The following GRID1 variants were observed in gnomAD, a reference collection of about 807,000 sequenced individuals.
The protein encoded by GRID1 is glutamate ionotropic receptor delta type subunit 1, also known as glutamate receptor ionotropic, delta-1.
GRID1 carries 28 observed loss-of-function variants against 98.0 expected under a neutral mutation model. The ratio of observed to expected loss-of-function variants is 0.29; its 90% CI spans 0.21 to 0.39. The LOEUF (loss-of-function observed/expected upper bound fraction) is 0.39. GRID1 is among the 10% of genes least tolerant of loss of function. The pLI, the probability that GRID1 is intolerant of heterozygous loss-of-function variation, is 1.00. For synonymous variants in GRID1, 553 were observed against 538.5 expected (o/e 1.03, Z -0.37); for missense variants, 1,111 against 1,340.5 (o/e 0.83, Z 2.67).
intron 3 of GRID1, among the ~76,000 whole-genome samples, chr10:86,180,524 G>A (rs1845640342): frequency 6.6e-6 from 1 of 152,136 alleles, no homozygotes; most frequent in African/African-American, 2.4e-5. Context: ...TGCTTTGAAG[G>A]ACCAAGGTTG....
At chr10:86,337,021 T>G (rs1589453545) in intron 2 of GRID1, among the ~76,000 whole-genome samples, 2 of 79,816 alleles carry the variant, frequency 2.5e-5, no homozygotes, top group Non-Finnish European at 4.2e-5. Flanking sequence ...TTTTTTGCAG[T>G]TTTTTTTTTT....
chr10:85,619,734 A>T (rs1842835723), intron 14 of GRID1, 133 bp downstream of exon 14: 1 of 683,786 alleles, frequency 1.5e-6, no homozygotes, highest in South Asian at 1.8e-5. Context: ...AAGCAGTGGG[A>T]CATAGTATGT....
chr10:85,612,176 C>A (rs369244081), intron 15 of GRID1, among the ~76,000 whole-genome samples: 1 of 152,200 alleles, frequency 6.6e-6, no homozygotes, highest in Non-Finnish European at 1.5e-5. Flanking sequence ...CCTGTCCTCA[C>A]CCCTGACCTG....
intron 5 of GRID1, among the ~76,000 whole-genome samples, chr10:85,904,933 A>C (rs1383839983): frequency 3.3e-5 from 5 of 152,156 alleles, no homozygotes; most frequent in African/African-American, 1.2e-4. Context: ...AAATATTAGA[A>C]AATATAAAAG....
At chr10:85,694,316 G>T (rs1292901310) in intron 12 of GRID1, among the ~76,000 whole-genome samples, 1 of 151,958 alleles carries the variant, frequency 6.6e-6, no homozygotes, top group Non-Finnish European at 1.5e-5. Context: ...CTTATACACT[G>T]TTGGAAGGAA....
chr10:85,793,049 G>A (rs189804523), intron 8 of GRID1, among the ~76,000 whole-genome samples: 4 of 152,254 alleles, frequency 2.6e-5, no homozygotes, highest in Non-Finnish European at 4.4e-5. Context: ...TCTGGCAAGT[G>A]CCACATATTA....
intron 4 of GRID1, among the ~76,000 whole-genome samples, chr10:85,943,327 T>C (rs1225388774): frequency 6.6e-6 from 1 of 152,190 alleles, no homozygotes; most frequent in East Asian, 1.9e-4. Context: ...ATATATGCCA[T>C]ATTTTTTAAA....
At chr10:86,288,238 T>C (rs1375801630) in intron 2 of GRID1, among the ~76,000 whole-genome samples, 2 of 152,132 alleles carry the variant, frequency 1.3e-5, no homozygotes, top group Admixed American at 6.5e-5. Flanking sequence ...CAAGAGTCCC[T>C]CATGTCTCCT....
intron 4 of GRID1, among the ~76,000 whole-genome samples, chr10:86,001,216 A>G (rs962192943): frequency 3.3e-5 from 5 of 152,312 alleles, no homozygotes; most frequent in African/African-American, 1.2e-4. Flanking sequence ...CTGTAAAGGG[A>G]TAATATAAGG....
intron 4 of GRID1, among the ~76,000 whole-genome samples, chr10:86,105,595 C>G (rs942880351): frequency 6.6e-6 from 1 of 152,170 alleles, no homozygotes; most frequent in African/African-American, 2.4e-5. Context: ...GCTGCCCCTC[C>G]CCAGCAGTGT....
chr10:86,018,766 G>T lies in GRID1; in HGVS notation c.727-102527C>A, dbSNP rs570547028. Among the ~76,000 whole-genome samples the T allele has an allele frequency of 7.2e-5, 11 of 152,300 alleles. No homozygotes were observed. In the South Asian group the frequency reaches 8.3e-4, roughly 12 times the overall value. ...CCCCGCCTTCCAGCTCCATCTCCCT[G>T]CCCCACCAAAGGCTGTGTGGCAGGA... On this transcript the variant is annotated intron_variant, in intron 4 of 15. Transcript: ENST00000327946.
At chr10:85,887,048 T>C (rs961010360) in intron 5 of GRID1, among the ~76,000 whole-genome samples, 2 of 152,186 alleles carry the variant, frequency 1.3e-5, no homozygotes, top group African/African-American at 2.4e-5. Context: ...GTAATCTAAG[T>C]TGATGACAGT....
chr10:86,363,893 G>T lies in GRID1; in HGVS notation c.235+48C>A, dbSNP rs774983629. ...CCCCTCCGGTGCCCACTGCTGCGAC[G>T]CCTCGCAGGCCGTGTCCCAGTGGGC... is the stretch of plus-strand genomic sequence containing the variant. On this transcript the variant is annotated intron_variant, in intron 2 of 15. Coordinates refer to ENST00000327946, the MANE Select transcript of GRID1 (RefSeq NM_017551.3). The T allele has an allele frequency of 2.3e-5, 36 of 1,543,528 alleles. No individual in the cohort carries two copies. In the East Asian group the frequency reaches 7.9e-4, roughly 34 times the overall value.
chr10:85,610,025 A>G (rs1260828257), intron 15 of GRID1, among the ~76,000 whole-genome samples: 3 of 152,206 alleles, frequency 2.0e-5, no homozygotes, highest in Non-Finnish European at 4.4e-5. Context: ...GTAAGTGTCT[A>G]AACTGTGACG....
At chr10:85,803,602 A>G (rs1842596619) in intron 8 of GRID1, among the ~76,000 whole-genome samples, 1 of 151,660 alleles carries the variant, frequency 6.6e-6, no homozygotes, top group Non-Finnish European at 1.5e-5. Context: ...AGCATTTTCA[A>G]AAAAAAAGCT....
At chr10:85,691,521 C>T (rs1383145837) in intron 12 of GRID1, among the ~76,000 whole-genome samples, 2 of 152,192 alleles carry the variant, frequency 1.3e-5, no homozygotes, top group African/African-American at 4.8e-5. Context: ...ACCACTCACA[C>T]TGCATGATTT....
At chr10:85,784,805 A>G (rs1429588978) in intron 8 of GRID1, among the ~76,000 whole-genome samples, 1 of 152,232 alleles carries the variant, frequency 6.6e-6, no homozygotes, top group Admixed American at 6.5e-5. Context: ...GTGAGCGAAA[A>G]TAAATGAAAC....
intron 4 of GRID1, among the ~76,000 whole-genome samples, chr10:85,972,966 T>G (rs1416062205): frequency 6.6e-6 from 1 of 152,248 alleles, no homozygotes; most frequent in African/African-American, 2.4e-5. Flanking sequence ...TTTCATTTTA[T>G]TTTGAAATTC....
intron 13 of GRID1, among the ~76,000 whole-genome samples, chr10:85,639,601 C>T (rs11201711): frequency 0.045 from 6,851 of 152,202 alleles, 620 homozygotes; most frequent in East Asian, 0.39. Flanking sequence ...ATCTTTTTCA[C>T]GGTGGCTCAC....
Sources: allele counts gnomAD v4.1 joint callset (sites outside exome capture counted in the v4.1 genomes callset), GRCh38; gene constraint gnomAD v4.1.1; transcripts MANE v1.5; gene names NCBI Gene and HGNC (gene_info 2026-07-23, HGNC 2026-07-21).